TTC3: variants seen among roughly 807,000 people sequenced by gnomAD.
TTC3 encodes tetratricopeptide repeat domain 3.
Under a neutral mutation model 249.6 loss-of-function variants are expected in TTC3, and 180 were observed. The ratio of observed to expected loss-of-function variants is 0.72; its 90% CI spans 0.64 to 0.82. TTC3 has a LOEUF of 0.82. TTC3 is among the 40% of genes least tolerant of loss of function. The probability of loss-of-function intolerance (pLI) is 0.00; values close to 1 mark genes in which losing one functional copy is unlikely to be tolerated. For synonymous variants in TTC3, 717 were observed against 805.0 expected (o/e 0.89, Z 1.85); for missense variants, 2,061 against 2,398.4 (o/e 0.86, Z 2.94).
In TTC3 at chr21:37,132,663, A is replaced by G; in HGVS notation, c.1359-19A>G. The G allele has an allele frequency of 6.3e-7, 1 of 1,575,022 alleles. No individual in the cohort carries two copies. On this transcript the variant is annotated intron_variant, in intron 16 of 45. Coordinates refer to ENST00000355666, the Ensembl canonical transcript of TTC3. ...CTTTTATTTTAAAATGATTTTTAAA[A>G]ATGCTTTTTTTCTTTTAGTTCTAGT...
intron 1 of TTC3, among the ~76,000 whole-genome samples, chr21:37,081,080 A>G (rs1322655476): frequency 2.1e-5 from 3 of 145,944 alleles, no homozygotes; most frequent in Admixed American, 6.8e-5. Flanking sequence ...TGTTGCTTAT[A>G]CAAAGTGTGC....
intron 8 of TTC3, among the ~76,000 whole-genome samples, chr21:37,094,997 A>C (rs546846946): frequency 1.3e-5 from 2 of 152,126 alleles, no homozygotes; most frequent in East Asian, 3.9e-4. Context: ...TTAGCTTGGC[A>C]TGGTGGGGTG....
In TTC3 at chr21:37,149,793, A is replaced by G. The variant is rs144154618; in HGVS notation, c.2119-285A>G. 2.0e-5 allele frequency among the ~76,000 whole-genome samples: 3 copies of G among 152,364 alleles called. No homozygotes were observed. The East Asian group carries it at 5.8e-4, about 29-fold the overall frequency. ...GAGGAAAAAGAACAATGTCCAGTCT[A>G]TGAAGTGTTTGTTAAACCTTTTGTC... On this transcript the variant is annotated intron_variant, in intron 23 of 45. Transcript: ENST00000355666.
intron 1 of TTC3, chr21:37,081,936 C>T (rs1157541287): frequency 6.6e-6 from 1 of 150,884 alleles, no homozygotes; most frequent in African/African-American, 2.4e-5. Flanking sequence ...GCGATCTCAG[C>T]TCACTGCAAG....
intron 41 of TTC3, among the ~76,000 whole-genome samples, chr21:37,193,628 A>G (rs1371256195): frequency 6.6e-6 from 1 of 152,232 alleles, no homozygotes; most frequent in Non-Finnish European, 1.5e-5. Context: ...TTCATATCCT[A>G]AATTCTGGGA....
chr21:37,142,303 G>A (rs1213209407), intron 20 of TTC3, among the ~76,000 whole-genome samples: 1 of 152,200 alleles, frequency 6.6e-6, no homozygotes, highest in Non-Finnish European at 1.5e-5. Flanking sequence ...AAAAGAGGAA[G>A]TCAAATTGTC....
rs1371289550 is a variant in TTC3 at position 37,135,467 on chromosome 21, C to T, written c.1531C>T (p.Gln511Ter). 1.2e-6 allele frequency: 2 copies of T among 1,613,902 alleles called. No homozygotes were observed. The highest frequency in any genetic ancestry group is 1.7e-6 in the Non-Finnish European group (2 of 1,179,948). ...GGAGCAGCGTTGCCGCAGCGCTGCA[C>T]AGGCCTTTACAGAGTTGCTGAACGG... The change falls in exon 18 of 46, where the codon CAG (glutamine) becomes TAG (stop). Residue 511 changes from glutamine (Q) to a stop codon, truncating the protein, a stop_gained. Coordinates refer to ENST00000355666, the Ensembl canonical transcript of TTC3. LOFTEE classifies it high-confidence loss of function.
intron 1 of TTC3, among the ~76,000 whole-genome samples, chr21:37,085,239 A>C (rs993130158): frequency 6.6e-6 from 1 of 152,188 alleles, no homozygotes; most frequent in Admixed American, 6.5e-5. Context: ...TGAGATTAGC[A>C]TATACCTCAT....
rs139032572 is a variant in TTC3 at position 37,126,555 on chromosome 21, G to A, written c.1297+412G>A. ...GTTTATGTACCATATGTGCATCTGC[G>A]CTTTATGTATAAAAGGAATTGATTT... is the stretch of plus-strand genomic sequence containing the variant. On this transcript the variant is annotated intron_variant, in intron 15 of 45. Transcript: ENST00000355666. Among the ~76,000 whole-genome samples the A allele has an allele frequency of 2.2e-3, 333 of 152,136 alleles. 2 individuals are homozygous for A. Among genetic ancestry groups the A allele is most frequent in the African/African-American group, 7.4e-3 (309 of 41,504 alleles).
chr21:37,149,525 C>T (rs1285136551), intron 23 of TTC3, among the ~76,000 whole-genome samples: 3 of 152,120 alleles, frequency 2.0e-5, no homozygotes, highest in Non-Finnish European at 2.9e-5. Context: ...CTTAACTATT[C>T]CCATCATTTT....
intron 20 of TTC3, among the ~76,000 whole-genome samples, chr21:37,143,741 C>T (rs78847908): frequency 4.2e-5 from 6 of 143,910 alleles, no homozygotes; most frequent in South Asian, 2.3e-4. Flanking sequence ...TCCCATTACT[C>T]GGTATATACC....
At chr21:37,096,133 C>T (rs1456254316) in intron 9 of TTC3, among the ~76,000 whole-genome samples, 2 of 152,214 alleles carry the variant, frequency 1.3e-5, no homozygotes, top group Non-Finnish European at 2.9e-5. Flanking sequence ...TACGTTTCAC[C>T]ACACAGTCAG....
At chr21:37,189,931 C>T (rs569734456) in intron 39 of TTC3, among the ~76,000 whole-genome samples, 2 of 152,052 alleles carry the variant, frequency 1.3e-5, no homozygotes, top group South Asian at 4.2e-4. Flanking sequence ...CTTCTTCACC[C>T]TAGTACTTAG....
At chr21:37,181,635 G>A (rs1423596747) in intron 35 of TTC3, among the ~76,000 whole-genome samples, 3 of 152,330 alleles carry the variant, frequency 2.0e-5, no homozygotes, top group African/African-American at 7.2e-5. Context: ...CAGTTGTCCT[G>A]TGCCAAAATC....
chr21:37,141,355 A>G (rs2078430945), intron 20 of TTC3, among the ~76,000 whole-genome samples: 1 of 152,182 alleles, frequency 6.6e-6, no homozygotes, highest in African/African-American at 2.4e-5. Context: ...ATAATTTCTA[A>G]CTGTCTTTAA....
Position 37,188,598 on chromosome 21 carries a change from A to T in TTC3, c.5024+3A>T, listed in dbSNP as rs1265948551. 6.2e-7 allele frequency: 1 copy of T among 1,613,356 alleles called. No homozygotes were observed. Among genetic ancestry groups the T allele is most frequent in the African/African-American group, 1.3e-5 (1 of 74,902 alleles). ...AAGAAGCTGGGGCTGATTAGCCGGT[A>T]TTGCAGTTTCGTGGGTGTTCTCAGC... is the stretch of plus-strand genomic sequence containing the variant. On this transcript the variant is annotated splice_donor_region_variant and intron_variant, in intron 39 of 45. Coordinates refer to ENST00000355666, the Ensembl canonical transcript of TTC3.
At chr21:37,112,559 A>C (rs1568950165) in intron 11 of TTC3, among the ~76,000 whole-genome samples, 1 of 152,206 alleles carries the variant, frequency 6.6e-6, no homozygotes, top group Non-Finnish European at 1.5e-5. Context: ...ATAGCTTACC[A>C]ATCAAAAAAA....
intron 10 of TTC3, among the ~76,000 whole-genome samples, chr21:37,100,351 G>A (rs1271158612): frequency 6.6e-6 from 1 of 152,034 alleles, no homozygotes; most frequent in African/African-American, 2.4e-5. Flanking sequence ...ATGATAAAAG[G>A]AACAGAAAAA....
At chr21:37,178,097 A>G (rs187604746) in intron 35 of TTC3, among the ~76,000 whole-genome samples, 1 of 152,178 alleles carries the variant, frequency 6.6e-6, no homozygotes, top group East Asian at 1.9e-4. Context: ...TCTTTCACCT[A>G]TAGTGTTTTC....
Sources: gnomAD v4.1 joint callset for allele counts (sites outside exome capture counted in the v4.1 genomes callset) on GRCh38, gnomAD v4.1.1 for gene constraint, MANE v1.5 for transcripts, NCBI Gene and HGNC (gene_info 2026-07-23, HGNC 2026-07-21) for gene names.